Variants in PSMB7 observed in about 807,000 individuals in gnomAD.
The protein encoded by PSMB7 is proteasome subunit beta type-7.
In PSMB7, 5 loss-of-function variants were observed where a neutral mutation model predicts 28.1. The observed-to-expected ratio is 0.18, with a 90% CI of 0.09 to 0.37. The LOEUF (loss-of-function observed/expected upper bound fraction) is 0.37. Among genes scored for constraint, PSMB7 ranks in the 10% least tolerant of loss-of-function variants. The pLI, the probability that PSMB7 is intolerant of heterozygous loss-of-function variation, is 1.00. For missense variants in PSMB7, 275 were observed against 346.2 expected, an observed-to-expected ratio of 0.79 and a Z score of 1.63; for synonymous variants, 122 against 123.7, an observed-to-expected ratio of 0.99 and a Z score of 0.09.
At chr9:124,363,912 G>A (rs1043200969) in intron 6 of PSMB7, among the ~76,000 whole-genome samples, 1 of 152,120 alleles carries the variant, frequency 6.6e-6, no homozygotes, top group African/African-American at 2.4e-5. Flanking sequence ...ACAATGGGCT[G>A]GAAAAGGGTA....
chr9:124,413,943 G>T lies in PSMB7; in HGVS notation c.219C>A (p.Asn73Lys), dbSNP rs1457840024. The T allele has an allele frequency of 6.2e-7, 1 of 1,612,490 alleles. No homozygotes were observed. Among genetic ancestry groups the T allele is most frequent in the East Asian group, 2.2e-5 (1 of 44,862 alleles). Residue 73 changes from asparagine (N) to lysine (K), a missense_variant, in exon 3 of 8, where the codon AAC becomes AAA. Around this residue, in one of 2 missense-constraint regions of PSMB7, gnomAD observed 213 missense variants for 302.4 expected, o/e 0.70. Coordinates refer to ENST00000259457, the MANE Select transcript of PSMB7 (RefSeq NM_002799.4). ...ATEGMVVADK[N>K]CSKIHFISPN... ...GAGATATGAAGTGTATTTTTGAACAGTTCTTGTCAGCAACAACCATCCCTT... is the reference window on the plus strand; with the variant it reads ...GAGATATGAAGTGTATTTTTGAACATTTCTTGTCAGCAACAACCATCCCTT...
In PSMB7 at chr9:124,353,491, TTTA is replaced by T. The variant is rs1310644638; in HGVS notation, c.*104_*106del. On this transcript the variant is annotated 3_prime_UTR_variant, in exon 8 of 8. Transcript: ENST00000259457. ...CAGCTGCCCAATTTGGTTTTTGTTT[TTTA>T]TTGAGTTGAGTTTCATTCGGCAAAC... The T allele has an allele frequency of 5.5e-6, 5 of 908,850 alleles. No individual in the cohort carries two copies. The highest frequency in any genetic ancestry group is 3.3e-5 in the African/African-American group (2 of 60,178). The allele number at this position is 908,850 out of a possible 1,614,324, so 56.3% of individuals were successfully genotyped here.
chr9:124,371,232 T>A (rs1830559067), intron 6 of PSMB7, among the ~76,000 whole-genome samples: 1 of 152,236 alleles, frequency 6.6e-6, no homozygotes, highest in African/African-American at 2.4e-5. Flanking sequence ...ACATTAACAA[T>A]TTATGCCAAA....
chr9:124,375,746 A>T lies in PSMB7; in HGVS notation c.570+8852T>A, dbSNP rs140439991. Among the ~76,000 whole-genome samples the T allele has an allele frequency of 2.7e-3, 405 of 152,262 alleles. 1 individual carries two copies. The highest frequency in any genetic ancestry group is 9.7e-3 in the African/African-American group (402 of 41,574). On this transcript the variant is annotated intron_variant, in intron 6 of 7. Coordinates refer to ENST00000259457, the MANE Select transcript of PSMB7 (RefSeq NM_002799.4). The stretch of plus-strand genomic sequence containing the variant: ...TTTGGTTTAATTTTGCATTTACTTA[A>T]AACTCTGTGTTTGATGCCAACAGGG...
chr9:124,356,642 T>G lies in PSMB7; in HGVS notation c.722+122A>C. On this transcript the variant is annotated intron_variant, in intron 7 of 7. Transcript: ENST00000259457. The surrounding 1 kb of genome is among the most constrained non-coding windows in gnomAD (Gnocchi z 4.4). ...CGAAGGTCTGTGTGGGAGGTTGATT[T>G]GGGAACACTGGATGTACTTAATGTG... The G allele has an allele frequency of 5.9e-6, 7 of 1,186,418 alleles. No individual in the cohort carries two copies. Among genetic ancestry groups the G allele is most frequent in the Non-Finnish European group, 7.1e-6 (6 of 846,268 alleles). The allele number at this position is 1,186,418 out of a possible 1,614,324, so 73.5% of individuals were successfully genotyped here. A position where few individuals can be genotyped will look rare whatever the true frequency, so the allele number is the denominator to read the frequency against.
At chr9:124,414,745 G>A in intron 2 of PSMB7, 97 bp downstream of exon 2, 1 of 965,008 alleles carries the variant, frequency 1.0e-6, no homozygotes, top group Non-Finnish European at 1.6e-6. Context: ...TATAGCATTT[G>A]CCTTTCCAGA....
chr9:124,390,617 C>T (rs1830774379), intron 5 of PSMB7, among the ~76,000 whole-genome samples: 1 of 151,956 alleles, frequency 6.6e-6, no homozygotes. Context: ...CATGCTTATG[C>T]ACTATATATT....
intron 6 of PSMB7, among the ~76,000 whole-genome samples, chr9:124,371,734 C>T (rs1011912740): frequency 4.6e-5 from 7 of 152,166 alleles, no homozygotes; most frequent in South Asian, 2.1e-4. Flanking sequence ...TTTGATATCA[C>T]GACACAGAAC....
chr9:124,411,097 T>C (rs1831023342), intron 4 of PSMB7, among the ~76,000 whole-genome samples: 1 of 152,050 alleles, frequency 6.6e-6, no homozygotes, highest in Admixed American at 6.6e-5. Context: ...TGTCTCAGCC[T>C]CCCAAGTAGC....
intron 4 of PSMB7, among the ~76,000 whole-genome samples, chr9:124,409,494 G>A (rs1831004043): frequency 6.6e-6 from 1 of 152,138 alleles, no homozygotes; most frequent in Non-Finnish European, 1.5e-5. Flanking sequence ...TGAGATAAAG[G>A]CAGTGCTTAA....
At chr9:124,402,407 T>C (rs936484822) in intron 5 of PSMB7, among the ~76,000 whole-genome samples, 1 of 152,242 alleles carries the variant, frequency 6.6e-6, no homozygotes, top group African/African-American at 2.4e-5. Context: ...GAAACCAATT[T>C]TCCCATTTTA....
At chr9:124,362,707 T>TAAGA (rs3050197) in intron 6 of PSMB7, among the ~76,000 whole-genome samples, 149,827 of 152,140 alleles carry the variant, frequency 0.98, 73,806 homozygotes, top group East Asian at 1. Context: ...GAAAAACAGC[T>TAAGA]AAGATTTAAG....
At chr9:124,377,713 A>G (rs1830626874) in intron 6 of PSMB7, among the ~76,000 whole-genome samples, 1 of 152,226 alleles carries the variant, frequency 6.6e-6, no homozygotes. Context: ...CTAGAGGCCA[A>G]CACTTGCCGA....
At chr9:124,367,110 C>G (rs1396472249) in intron 6 of PSMB7, among the ~76,000 whole-genome samples, 1 of 152,090 alleles carries the variant, frequency 6.6e-6, no homozygotes, top group African/African-American at 2.4e-5. Flanking sequence ...TGATAATATT[C>G]TCAATGAGAG....
At chr9:124,410,450 T>G (rs1214980428) in intron 4 of PSMB7, among the ~76,000 whole-genome samples, 1 of 152,080 alleles carries the variant, frequency 6.6e-6, no homozygotes, top group African/African-American at 2.4e-5. Flanking sequence ...CATAGACACA[T>G]CGTGTAGAAA....
chr9:124,384,931 G>A lies in PSMB7; in HGVS notation c.512-275C>T, dbSNP rs147173318. Among the ~76,000 whole-genome samples, 16 of 152,346 alleles carry A rather than the reference G, an allele frequency of 1.1e-4. No individual in the cohort carries two copies. The East Asian group carries it at 3.1e-3, about 29-fold the overall frequency. ...AAATTATTCACAATAAAATGCTGAA[G>A]CATGAAAATGAGGTTATGGAGAATT... is the stretch of plus-strand genomic sequence containing the variant. On this transcript the variant is annotated intron_variant, in intron 5 of 7. Coordinates refer to ENST00000259457, the MANE Select transcript of PSMB7 (RefSeq NM_002799.4).
At chr9:124,380,043 G>A (rs1830650080) in intron 6 of PSMB7, among the ~76,000 whole-genome samples, 1 of 152,184 alleles carries the variant, frequency 6.6e-6, no homozygotes, top group Non-Finnish European at 1.5e-5. Flanking sequence ...GAAAACAACA[G>A]GACAGGTGTG....
At chr9:124,385,233 G>A (rs1029115922) in intron 5 of PSMB7, among the ~76,000 whole-genome samples, 20 of 152,286 alleles carry the variant, frequency 1.3e-4, no homozygotes, top group Non-Finnish European at 2.2e-4. Context: ...CATTTATTTG[G>A]AGCTATTATT....
chr9:124,368,547 A>G (rs1229281841), intron 6 of PSMB7, among the ~76,000 whole-genome samples: 2 of 152,218 alleles, frequency 1.3e-5, no homozygotes, highest in African/African-American at 4.8e-5. Flanking sequence ...ACATTTCCCT[A>G]AAATACATGT....
Sources: allele counts gnomAD v4.1 joint callset (sites outside exome capture counted in the v4.1 genomes callset), GRCh38; gene constraint gnomAD v4.1.1; regional missense constraint gnomAD v4.1.1; non-coding constraint Gnocchi (gnomAD v3.1); transcripts MANE v1.5; gene names NCBI Gene and HGNC (gene_info 2026-07-23, HGNC 2026-07-21).